ITSN1: variants seen among roughly 807,000 people sequenced by gnomAD.
ITSN1 encodes intersectin-1.
ITSN1 carries 58 observed loss-of-function variants against 239.8 expected under a neutral mutation model. That is an observed-to-expected ratio of 0.24 (90% CI 0.20 to 0.30). The LOEUF (loss-of-function observed/expected upper bound fraction) is 0.30. ITSN1 is among the 10% of genes least tolerant of loss of function. The probability of loss-of-function intolerance (pLI) is 1.00; values close to 1 mark genes in which losing one functional copy is unlikely to be tolerated. For missense variants in ITSN1, 1,558 were observed against 2,103.3 expected, an observed-to-expected ratio of 0.74 and a Z score of 5.07; for synonymous variants, 780 against 770.8, an observed-to-expected ratio of 1.01 and a Z score of -0.20.
At chr21:33,836,327 C>T (rs2148408130) in intron 28 of ITSN1, 114 bp from the exon 29 acceptor site, 1 of 677,896 alleles carries the variant, frequency 1.5e-6, no homozygotes, top group East Asian at 3.1e-5. Context: ...CACCTACTGT[C>T]ACCCTCTTCT....
intron 11 of ITSN1, 114 bp from the exon 12 acceptor site, chr21:33,771,947 G>T: frequency 8.9e-7 from 1 of 1,129,584 alleles, no homozygotes; most frequent in Non-Finnish European, 1.3e-6. Context: ...GAAGCTTAGG[G>T]AGTTCTGGGT....
chr21:33,860,231 C>T (rs143211780), intron 31 of ITSN1, among the ~76,000 whole-genome samples: 2,075 of 150,494 alleles, frequency 0.014, 48 homozygotes, highest in African/African-American at 0.047. Context: ...CGCTTGAACC[C>T]GGGAGGCAGA....
At chr21:33,868,658 G>A (rs1982156074) in intron 33 of ITSN1, among the ~76,000 whole-genome samples, 1 of 152,228 alleles carries the variant, frequency 6.6e-6, no homozygotes, top group African/African-American at 2.4e-5. Flanking sequence ...CAGCTGGCCC[G>A]CAAGCGCCGC....
intron 24 of ITSN1, among the ~76,000 whole-genome samples, chr21:33,821,890 A>G (rs1404720639): frequency 2.6e-5 from 4 of 152,210 alleles, no homozygotes; most frequent in Admixed American, 2.6e-4. Flanking sequence ...GAGCAAAATG[A>G]AAAGGGAAGG....
chr21:33,776,048 CTT>C (rs756791889), intron 14 of ITSN1, among the ~76,000 whole-genome samples: 3 of 152,126 alleles, frequency 2.0e-5, no homozygotes, highest in Admixed American at 6.5e-5. Flanking sequence ...GTGAATGACT[CTT>C]TTGTTTCTTT....
chr21:33,857,434 T>C (rs774438840), intron 30 of ITSN1, among the ~76,000 whole-genome samples: 4 of 152,214 alleles, frequency 2.6e-5, no homozygotes, highest in Non-Finnish European at 4.4e-5. Context: ...TATGGGGAGA[T>C]GCGGAGCCCG....
rs559788198 is a variant in ITSN1, at chr21:33,890,527, C to G, written c.*2227C>G. ...CTCTGTTGAGCATCCTTGAGATGCT[C>G]CTGCCATGTAGCAAGTTCTGGATTA... On this transcript the variant is annotated 3_prime_UTR_variant, in exon 40 of 40. Coordinates refer to ENST00000381318, the MANE Select transcript of ITSN1 (RefSeq NM_003024.3). The G allele has an allele frequency of 6.6e-6, 1 of 152,170 alleles. No homozygotes were observed. Among genetic ancestry groups the G allele is most frequent in the African/African-American group, 2.4e-5 (1 of 41,438 alleles). 9.4% of individuals were successfully genotyped at this position (152,170 alleles called of 1,614,324 possible).
chr21:33,838,085 A>G (rs748640033), intron 29 of ITSN1: 25 of 985,704 alleles, frequency 2.5e-5, no homozygotes, highest in African/African-American at 1.0e-4. Context: ...TTAATATGAA[A>G]TGGAGCTCAT....
chr21:33,839,541 G>A (rs79328878), intron 29 of ITSN1, among the ~76,000 whole-genome samples: 21 of 152,298 alleles, frequency 1.4e-4, no homozygotes, highest in African/African-American at 4.6e-4. Context: ...GGCCACCCCC[G>A]TGTGGAGCAG....
At chr21:33,676,466 A>C (rs764683009) in intron 1 of ITSN1, among the ~76,000 whole-genome samples, 2 of 152,178 alleles carry the variant, frequency 1.3e-5, no homozygotes, top group Admixed American at 6.5e-5. Flanking sequence ...GGGCTCAAGC[A>C]AACCTCCCAC....
chr21:33,671,930 CATTTAAAA>C (rs1200875190), intron 1 of ITSN1, among the ~76,000 whole-genome samples: 1 of 152,076 alleles, frequency 6.6e-6, no homozygotes, highest in Non-Finnish European at 1.5e-5. Flanking sequence ...AAAATGGGAT[CATTTAAAA>C]ATTTAAAAAG....
intron 5 of ITSN1, among the ~76,000 whole-genome samples, chr21:33,749,686 G>A (rs924138463): frequency 1.3e-5 from 2 of 151,842 alleles, no homozygotes; most frequent in African/African-American, 4.8e-5. Flanking sequence ...GAATAAAGAT[G>A]CTTTCCCCAT....
chr21:33,834,159 T>C, intron 27 of ITSN1, 148 bp from the exon 28 acceptor site: 2 of 610,430 alleles, frequency 3.3e-6, no homozygotes, highest in Non-Finnish European at 5.9e-6. Flanking sequence ...TGTTTTACTT[T>C]TGTGACATAG....
In ITSN1 at chr21:33,819,252, G is replaced by C; in HGVS notation, c.2945G>C (p.Gly982Ala). 1.9e-6 allele frequency: 3 copies of C among 1,612,534 alleles called. No homozygotes were observed. The highest frequency in any genetic ancestry group is 2.5e-6 in the Non-Finnish European group (3 of 1,179,004). Residue 982 changes from glycine (G) to alanine (A), a missense_variant, in exon 24 of 40, where the codon GGT becomes GCT. Physicochemically the swap from Gly to Ala is moderately conservative, Grantham distance 60 (BLOSUM62 0). Transcript: ENST00000381318. ...PIRKSTSMDSGSSESPASLKR... is the reference protein window; with the variant it reads ...PIRKSTSMDSASSESPASLKR... ...TTCCATTATTGCAGCATGGATTCTG[G>C]TTCTTCAGAGAGTCCTGCTAGTCTA...
At chr21:33,880,077 G>A (rs117428560) in intron 34 of ITSN1, among the ~76,000 whole-genome samples, 16 of 152,266 alleles carry the variant, frequency 1.1e-4, no homozygotes, top group Middle Eastern at 3.4e-3. Context: ...GCACAGCGTC[G>A]TTGTTGTCTT....
At chr21:33,739,567 CA>C (rs1445745199) in intron 5 of ITSN1, among the ~76,000 whole-genome samples, 1 of 152,076 alleles carries the variant, frequency 6.6e-6, no homozygotes, top group East Asian at 1.9e-4. Context: ...TTCATTAAAA[CA>C]GAGTAATAGT....
intron 29 of ITSN1, among the ~76,000 whole-genome samples, chr21:33,847,514 A>G (rs1387301682): frequency 6.6e-6 from 1 of 152,244 alleles, no homozygotes; most frequent in Non-Finnish European, 1.5e-5. Flanking sequence ...GTCACCGTAC[A>G]TCGCTGGGAT....
In ITSN1 at chr21:33,826,840, C is replaced by G; in HGVS notation, c.3206C>G (p.Thr1069Arg). 1.2e-6 allele frequency: 2 copies of G among 1,613,898 alleles called. No homozygotes were observed. The highest frequency in any genetic ancestry group is 1.7e-6 in the Non-Finnish European group (2 of 1,179,820). ...AAGGGCTCTGGAACTGCTGGGAAAA[C>G]AGGGAGTTTAGGAAAAAAACCTGGT... The part of the protein sequence containing the change: ...DSEGSGTAGK[T>R]GSLGKKPEIA... The change falls in exon 26 of 40, where the codon ACA (threonine) becomes AGA (arginine). Residue 1069 changes from threonine (T) to arginine (R), a missense_variant. This residue lies in a region of ITSN1 where 576 missense variants were observed against 893.3 expected (regional missense o/e 0.64). Transcript: ENST00000381318.
At position 33,811,058 on chromosome 21, in the gene ITSN1, A is replaced by G. The variant is rs2072873790; in HGVS notation, c.2403A>G (p.Ala801=). Residue 801 remains alanine (A), a synonymous_variant, in exon 21 of 40, where the codon GCA becomes GCG. Transcript: ENST00000381318. ...CAGGGTGGTTCCCTGCAAACTATGC[A>G]GAGAAAATCCCAGAAAATGAGGTTC... ...GKTGWFPANY[A]EKIPENEVPA... 2 of 1,614,240 alleles carry G rather than the reference A, an allele frequency of 1.2e-6. No individual in the cohort carries two copies. The highest frequency in any genetic ancestry group is 2.2e-5 in the South Asian group (2 of 91,090).
Sources: gnomAD v4.1 joint callset for allele counts (sites outside exome capture counted in the v4.1 genomes callset) on GRCh38, gnomAD v4.1.1 for gene constraint, gnomAD v4.1.1 regional missense constraint, MANE v1.5 for transcripts, NCBI Gene and HGNC (gene_info 2026-07-23, HGNC 2026-07-21) for gene names.